LAMA4: variants seen among roughly 807,000 people sequenced by gnomAD.
LAMA4 encodes the protein laminin subunit alpha 4.
LAMA4 carries 127 observed loss-of-function variants against 207.1 expected under a neutral mutation model. That is an observed-to-expected ratio of 0.61 (90% CI 0.53 to 0.71). The LOEUF (loss-of-function observed/expected upper bound fraction) is 0.71. Ranked by LOEUF, LAMA4 falls within the 30% of genes least tolerant of loss-of-function variation. The pLI is 0.00. For missense variants in LAMA4, 2,093 were observed against 2,246.5 expected, an observed-to-expected ratio of 0.93 and a Z score of 1.38; for synonymous variants, 761 against 816.0, an observed-to-expected ratio of 0.93 and a Z score of 1.15.
chr6:112,245,371 G>A (rs972198586), intron 2 of LAMA4, among the ~76,000 whole-genome samples: 43 of 152,104 alleles, frequency 2.8e-4, no homozygotes, highest in Non-Finnish European at 1.0e-4. Flanking sequence ...CCCTTTGGCT[G>A]GTGTCTATGT....
intron 2 of LAMA4, chr6:112,251,565 G>A (rs1392319552): frequency 1.3e-5 from 2 of 152,198 alleles, no homozygotes; most frequent in African/African-American, 4.8e-5. Flanking sequence ...TAATGTGTCC[G>A]TGTTCTCTTT....
rs373362483 is a variant in LAMA4, at chr6:112,172,604, G to T, written c.1551+7C>A. On this transcript the variant is annotated splice_region_variant and intron_variant, in intron 12 of 38. Coordinates refer to ENST00000230538, the MANE Select transcript of LAMA4 (RefSeq NM_001105206.3). ...TGAAATGCATTGATGGTGAGTGTCC[G>T]CTGTACCTCATGGTCCCGCTGCCTG... The T allele has an allele frequency of 3.1e-6, 5 of 1,612,006 alleles. No individual in the cohort carries two copies. The African/African-American group carries it at 6.7e-5, about 22-fold the overall frequency.
chr6:112,128,349 C>G (rs1778819968), intron 31 of LAMA4, among the ~76,000 whole-genome samples: 1 of 152,074 alleles, frequency 6.6e-6, no homozygotes, highest in Non-Finnish European at 1.5e-5. Context: ...AAGACAAATA[C>G]TGCATGTTAT....
chr6:112,205,225 G>A (rs782043252), intron 4 of LAMA4, among the ~76,000 whole-genome samples: 16 of 152,174 alleles, frequency 1.1e-4, no homozygotes, highest in East Asian at 3.8e-4. Flanking sequence ...AAAATATAGC[G>A]GTATGTGTTC....
Position 112,185,334 on chromosome 6 carries a change from T to C in LAMA4, c.980A>G (p.Glu327Gly), listed in dbSNP as rs782093636. ...TCTTAGGGCGTATTGGTTTTCTCTT[T>C]CTGACAATTTTGTCTGCAGAAGAAT... ...TIYLLKTKLS[E>G]RENQYALRKI... The change falls in exon 9 of 39, where the codon GAA becomes GGA. Residue 327 changes from glutamate to glycine, a missense_variant. Physicochemically the swap from Glu to Gly is moderately conservative, Grantham distance 98. Around this residue, in one of 3 missense-constraint regions of LAMA4, gnomAD observed 1,704 missense variants for 1,788.4 expected, o/e 0.95. Transcript: ENST00000230538. The C allele has an allele frequency of 6.2e-7, 1 of 1,607,174 alleles. No individual in the cohort carries two copies. The highest frequency in any genetic ancestry group is 8.5e-7 in the Non-Finnish European group (1 of 1,173,590).
At chr6:112,133,006 T>C in intron 27 of LAMA4, 116 bp from the exon 28 acceptor site, 1 of 1,110,654 alleles carries the variant, frequency 9.0e-7, no homozygotes, top group Non-Finnish European at 1.3e-6. Flanking sequence ...TAGTTTATTT[T>C]CCCACTTCTG....
rs782388698 is a variant in LAMA4 at position 112,155,682 on chromosome 6, G to A, written c.1842C>T (p.Asn614=). The change falls in exon 15 of 39, where the codon AAC becomes AAT. Residue 614 remains asparagine (N), a synonymous_variant. Coordinates refer to ENST00000230538, the MANE Select transcript of LAMA4 (RefSeq NM_001105206.3). The part of the protein sequence containing the change: ...LSRKLHSSDM[N]GLVQKALDAS... ...CATCCAAAGCCTTCTGTACCAGCCC[G>A]TTCATATCTGAACTGTGCAACTTCC... 1.1e-5 allele frequency: 18 copies of A among 1,613,846 alleles called. No individual in the cohort carries two copies. Among genetic ancestry groups the A allele is most frequent in the African/African-American group, 5.3e-5 (4 of 74,890 alleles).
chr6:112,165,373 G>A (rs2114831356), intron 12 of LAMA4, 97 bp from the exon 13 acceptor site: 1 of 837,690 alleles, frequency 1.2e-6, no homozygotes, highest in East Asian at 2.5e-5. Context: ...TTTGGACTCA[G>A]ACAAATCTGG....
At chr6:112,169,010 G>A (rs1414544039) in intron 12 of LAMA4, among the ~76,000 whole-genome samples, 3 of 152,276 alleles carry the variant, frequency 2.0e-5, no homozygotes, top group South Asian at 2.1e-4. Context: ...AGAGTTTGTA[G>A]GAAAGTCAAG....
At chr6:112,225,315 T>G (rs1785151836) in intron 2 of LAMA4, among the ~76,000 whole-genome samples, 3 of 152,206 alleles carry the variant, frequency 2.0e-5, no homozygotes, top group Admixed American at 2.0e-4. Context: ...CTCCTTATAT[T>G]ATGTTTATAT....
Position 112,117,954 on chromosome 6 carries a change from G to A in LAMA4, c.4822-56C>T. On this transcript the variant is annotated intron_variant, in intron 34 of 38. Coordinates refer to ENST00000230538, the MANE Select transcript of LAMA4 (RefSeq NM_001105206.3). The surrounding 1 kb of genome is among the most constrained non-coding windows in gnomAD (Gnocchi z 4.5). ...TTTTCTCAACACAAATGCACCAAGG[G>A]GAAGCAAAATGAGGGGGTTTGAGTC... The A allele has an allele frequency of 6.6e-7, 1 of 1,521,250 alleles. No homozygotes were observed. Among genetic ancestry groups the A allele is most frequent in the South Asian group, 1.1e-5 (1 of 88,556 alleles). 94.2% of individuals were successfully genotyped at this position (1,521,250 alleles called of 1,614,324 possible).
chr6:112,152,023 CT>C (rs1423923538), intron 16 of LAMA4, among the ~76,000 whole-genome samples: 1 of 151,976 alleles, frequency 6.6e-6, no homozygotes, highest in East Asian at 1.9e-4. Context: ...ATATATTGCA[CT>C]TTATAGGTGT....
intron 9 of LAMA4, 72 bp from the exon 10 acceptor site, chr6:112,178,304 G>T: frequency 1.9e-6 from 2 of 1,045,222 alleles, no homozygotes; most frequent in African/African-American, 1.6e-5. Context: ...AGATAGGGGT[G>T]GGTGGGCATA....
intron 19 of LAMA4, among the ~76,000 whole-genome samples, chr6:112,143,344 G>A (rs1322199200): frequency 1.4e-5 from 2 of 147,422 alleles, no homozygotes; most frequent in African/African-American, 5.1e-5. Context: ...GAGTGCAGTA[G>A]CACAATGTCA....
At chr6:112,204,677 T>C (rs1783956485) in intron 4 of LAMA4, among the ~76,000 whole-genome samples, 1 of 152,206 alleles carries the variant, frequency 6.6e-6, no homozygotes, top group Non-Finnish European at 1.5e-5. Context: ...GAGAGCAGAA[T>C]ATTAATGAAC....
intron 2 of LAMA4, among the ~76,000 whole-genome samples, chr6:112,243,860 C>T (rs1786710711): frequency 1.3e-5 from 2 of 151,896 alleles, no homozygotes; most frequent in Admixed American, 6.6e-5. Context: ...GAGTTCAAGA[C>T]CAGCCTGGCC....
chr6:112,133,198 C>T lies in LAMA4; in HGVS notation c.3696+151G>A, dbSNP rs1481746911. On this transcript the variant is annotated intron_variant, in intron 27 of 38. Coordinates refer to ENST00000230538, the MANE Select transcript of LAMA4 (RefSeq NM_001105206.3). ...ACAGAGGAACCCCATGCACAAGAGCCCTTCTAGCTTAATGGTTCTTCTTTC... is the reference window on the plus strand; with the variant it reads ...ACAGAGGAACCCCATGCACAAGAGCTCTTCTAGCTTAATGGTTCTTCTTTC... 5 of 864,274 alleles carry T rather than the reference C, an allele frequency of 5.8e-6. No homozygotes were observed. The African/African-American group carries it at 6.7e-5, about 12-fold the overall frequency. 53.5% of individuals were successfully genotyped at this position (864,274 alleles called of 1,614,324 possible). A position where few individuals can be genotyped will look rare whatever the true frequency, so the allele number is the denominator to read the frequency against.
At chr6:112,221,652 T>C (rs1554360655) in intron 2 of LAMA4, among the ~76,000 whole-genome samples, 1 of 152,208 alleles carries the variant, frequency 6.6e-6, no homozygotes, top group Non-Finnish European at 1.5e-5. Flanking sequence ...GTTCCATGTT[T>C]TGTTTTAGCA....
chr6:112,249,141 T>G (rs1391358371), intron 2 of LAMA4, among the ~76,000 whole-genome samples: 1 of 152,190 alleles, frequency 6.6e-6, no homozygotes, highest in Admixed American at 6.5e-5. Flanking sequence ...CATTTTATAT[T>G]TCTTCATTTA....
Sources: allele counts gnomAD v4.1 joint callset (sites outside exome capture counted in the v4.1 genomes callset), GRCh38; gene constraint gnomAD v4.1.1; regional missense constraint gnomAD v4.1.1; non-coding constraint Gnocchi (gnomAD v3.1); transcripts MANE v1.5; gene names NCBI Gene and HGNC (gene_info 2026-07-23, HGNC 2026-07-21).